The following LRIG2 variants were observed in gnomAD, a reference collection of about 807,000 sequenced individuals.
The protein encoded by LRIG2 is leucine rich repeats and immunoglobulin like domains 2, also known as leucine-rich repeats and immunoglobulin-like domains protein 2.
In LRIG2, 93 loss-of-function variants were observed where a neutral mutation model predicts 107.8. That is an observed-to-expected ratio of 0.86 (90% CI 0.73 to 1.03). The LOEUF is 1.03. Ranked by LOEUF, LRIG2 falls within the 50% of genes least tolerant of loss-of-function variation. The pLI is 0.00. For missense variants in LRIG2, 1,226 were observed against 1,296.0 expected, an observed-to-expected ratio of 0.95 and a Z score of 0.83; for synonymous variants, 471 against 470.6, an observed-to-expected ratio of 1.00 and a Z score of -0.01.
At chr1:113,083,641 C>T (rs1014148312) in intron 1 of LRIG2, among the ~76,000 whole-genome samples, 7 of 151,646 alleles carry the variant, frequency 4.6e-5, no homozygotes, top group African/African-American at 1.2e-4. Context: ...CCACTGTGCC[C>T]GGCCAGCTGC....
chr1:113,079,947 C>G (rs1653184669), intron 1 of LRIG2, among the ~76,000 whole-genome samples: 1 of 150,516 alleles, frequency 6.6e-6, no homozygotes, highest in African/African-American at 2.4e-5. Context: ...CCAGACTGAT[C>G]TCAAACTCCT....
chr1:113,085,360 C>T (rs893046411), intron 1 of LRIG2, among the ~76,000 whole-genome samples: 2 of 152,080 alleles, frequency 1.3e-5, no homozygotes, highest in Admixed American at 6.6e-5. Context: ...CTCTGCTCAC[C>T]GCAACCTCCG....
chr1:113,093,512 A>T lies in LRIG2; in HGVS notation c.463A>T (p.Ile155Leu), dbSNP rs113884964. The T allele has an allele frequency of 4.5e-4, 728 of 1,611,062 alleles. 3 individuals carry two copies. The African/African-American group carries it at 8.5e-3, about 19-fold the overall frequency. Residue 155 changes from isoleucine to leucine, a missense_variant, in exon 4 of 18, where the codon ATA (isoleucine) becomes TTA (leucine). Coordinates refer to ENST00000361127, the MANE Select transcript of LRIG2 (RefSeq NM_014813.3). ...GGAGAGTTTAGACCTCAGCTCAAAT[A>T]TAATATCAGAAATCAAGACATCTTC... ...ALESLDLSSNIISEIKTSSFP... is the reference protein window; with the variant it reads ...ALESLDLSSNLISEIKTSSFP...
chr1:113,082,620 G>A (rs1373073836), intron 1 of LRIG2, among the ~76,000 whole-genome samples: 2 of 152,038 alleles, frequency 1.3e-5, no homozygotes, highest in African/African-American at 2.4e-5. Flanking sequence ...GAGGTGTCAC[G>A]CTATTATTTA....
At chr1:113,104,815 C>A (rs988096594) in intron 11 of LRIG2, among the ~76,000 whole-genome samples, 1 of 152,124 alleles carries the variant, frequency 6.6e-6, no homozygotes, top group Non-Finnish European at 1.5e-5. Flanking sequence ...CTGAATGCCT[C>A]CAAAATCTCA....
rs1655660017 is a variant in LRIG2, at chr1:113,130,396, A to G, written c.*6295A>G. On this transcript the variant is annotated 3_prime_UTR_variant, in exon 18 of 18. Coordinates refer to ENST00000361127, the MANE Select transcript of LRIG2 (RefSeq NM_014813.3). The stretch of plus-strand genomic sequence containing the variant: ...TTTCCCTATGAAAAGAGATGTGTTA[A>G]AAGTCTTTAACTACTTAAAGGGTCA... The G allele has an allele frequency of 6.6e-6, 1 of 152,252 alleles. No individual in the cohort carries two copies. Among genetic ancestry groups the G allele is most frequent in the African/African-American group, 2.4e-5 (1 of 41,464 alleles). 9.4% of individuals were successfully genotyped at this position (152,252 alleles called of 1,614,324 possible). A position where few individuals can be genotyped will look rare whatever the true frequency, so the allele number is the denominator to read the frequency against.
At chr1:113,088,714 G>A (rs187761664) in intron 1 of LRIG2, among the ~76,000 whole-genome samples, 215 of 152,268 alleles carry the variant, frequency 1.4e-3, no homozygotes, top group African/African-American at 4.9e-3. Flanking sequence ...AACCAGCTTG[G>A]AGTAGAATAT....
chr1:113,077,831 A>AC (rs1363959095), intron 1 of LRIG2, among the ~76,000 whole-genome samples: 1 of 151,154 alleles, frequency 6.6e-6, no homozygotes, highest in Non-Finnish European at 1.5e-5. Flanking sequence ...GGTGTGCTGC[A>AC]CCCATTAACT....
chr1:113,096,214 G>T lies in LRIG2; in HGVS notation c.948-8G>T, dbSNP rs558112559. ...GAATTCCTTACCTTCCACATTTCTT[G>T]TTTTCAGTGATTTGTCCTATAACCA... is the stretch of plus-strand genomic sequence containing the variant. On this transcript the variant is annotated splice_polypyrimidine_tract_variant and splice_region_variant and intron_variant, in intron 7 of 17. Transcript: ENST00000361127. 1 of 1,610,546 alleles carries T rather than the reference G, an allele frequency of 6.2e-7. No homozygotes were observed. The highest frequency in any genetic ancestry group is 8.5e-7 in the Non-Finnish European group (1 of 1,179,134).
intron 1 of LRIG2, among the ~76,000 whole-genome samples, chr1:113,083,195 G>T (rs1047948622): frequency 6.7e-6 from 1 of 149,488 alleles, no homozygotes; most frequent in Non-Finnish European, 1.5e-5. Context: ...TAGATATGAG[G>T]CACCATGCTT....
intron 8 of LRIG2, among the ~76,000 whole-genome samples, chr1:113,098,391 A>C (rs1654160097): frequency 6.6e-6 from 1 of 152,212 alleles, no homozygotes; most frequent in Non-Finnish European, 1.5e-5. Flanking sequence ...CCTGTTTATA[A>C]TTTTTAATAT....
At chr1:113,097,388 T>C (rs1166750935) in intron 8 of LRIG2, among the ~76,000 whole-genome samples, 1 of 151,838 alleles carries the variant, frequency 6.6e-6, no homozygotes, top group Non-Finnish European at 1.5e-5. Context: ...GGTTCCCAAC[T>C]TGGAGACATA....
At position 113,094,679 on chromosome 1, in the gene LRIG2, T is replaced by A; in HGVS notation, c.727T>A (p.Ser243Thr). The A allele has an allele frequency of 6.2e-7, 1 of 1,613,988 alleles. No homozygotes were observed. The highest frequency in any genetic ancestry group is 8.5e-7 in the Non-Finnish European group (1 of 1,179,936). Residue 243 changes from serine to threonine, a missense_variant, in exon 6 of 18, where the codon TCT (serine) becomes ACT (threonine). Ser to Thr is a moderately conservative substitution (Grantham distance 58). Around this residue, in one of 3 missense-constraint regions of LRIG2, gnomAD observed 570 missense variants for 550.2 expected, o/e 1.04. Transcript: ENST00000361127. ...ATTCCAAGGGCTTGACTCCTTAAGA[T>A]CTTTGAAAATGCAGCGGAATGGAAT... ...LTFQGLDSLR[S>T]LKMQRNGISK...
At chr1:113,116,517 C>T (rs1655023792) in intron 16 of LRIG2, 81 bp downstream of exon 16, 3 of 1,326,696 alleles carry the variant, frequency 2.3e-6, no homozygotes, top group Non-Finnish European at 3.1e-6. Context: ...CTCCATTAAT[C>T]TGAAGCAATA....
At chr1:113,079,631 T>C (rs1377573894) in intron 1 of LRIG2, among the ~76,000 whole-genome samples, 2 of 140,236 alleles carry the variant, frequency 1.4e-5, no homozygotes, top group Non-Finnish European at 3.0e-5. Context: ...TGTAGTGAGC[T>C]GAGACCACTG....
chr1:113,089,676 CTTTTTTTTTT>C (rs35515644), intron 1 of LRIG2, among the ~76,000 whole-genome samples: 5 of 71,674 alleles, frequency 7.0e-5, no homozygotes, highest in South Asian at 7.0e-4. Context: ...AGGTGGATTG[CTTTTTTTTTT>C]TTTTTTTTTT....
Position 113,124,163 on chromosome 1 carries a change from A to G in LRIG2, c.*62A>G. The G allele has an allele frequency of 7.2e-7, 1 of 1,389,750 alleles. No individual in the cohort carries two copies. The highest frequency in any genetic ancestry group is 1.2e-5 in the South Asian group (1 of 83,492). 86.1% of individuals were successfully genotyped at this position (1,389,750 alleles called of 1,614,324 possible). ...TAATTAATTTTGCATTTACTACCTC[A>G]GAGCTCAGAAGAAACTCCGAAGTCA... On this transcript the variant is annotated 3_prime_UTR_variant, in exon 18 of 18. Transcript: ENST00000361127.
intron 1 of LRIG2, among the ~76,000 whole-genome samples, chr1:113,087,003 G>T (rs1165537155): frequency 6.6e-6 from 1 of 152,190 alleles, no homozygotes; most frequent in Non-Finnish European, 1.5e-5. Flanking sequence ...AATTAGCTGG[G>T]CTTGGTGGCA....
At chr1:113,105,216 T>A (rs1185864741) in intron 11 of LRIG2, among the ~76,000 whole-genome samples, 1 of 152,192 alleles carries the variant, frequency 6.6e-6, no homozygotes, top group African/African-American at 2.4e-5. Context: ...TAATTCACAG[T>A]AGCTTCCTTC....
Sources: allele counts gnomAD v4.1 joint callset (sites outside exome capture counted in the v4.1 genomes callset), GRCh38; gene constraint gnomAD v4.1.1; regional missense constraint gnomAD v4.1.1; transcripts MANE v1.5; gene names NCBI Gene and HGNC (gene_info 2026-07-23, HGNC 2026-07-21).